The following ARMC3 variants were observed in gnomAD, a reference collection of about 807,000 sequenced individuals.
The protein encoded by ARMC3 is armadillo repeat containing 3.
A neutral mutation model predicts 90.3 loss-of-function variants in ARMC3; 74 were observed. The ratio of observed to expected loss-of-function variants is 0.82; its 90% CI spans 0.68 to 0.99. The LOEUF is 0.99. Ranked by LOEUF, ARMC3 falls within the 50% of genes least tolerant of loss-of-function variation. The pLI is 0.00. For missense variants in ARMC3, 958 were observed against 1,042.8 expected (o/e 0.92, Z 1.12); for synonymous variants, 334 against 361.8 (o/e 0.92, Z 0.87).
chr10:23,003,335 A>G lies in ARMC3; in HGVS notation c.1652A>G (p.Asn551Ser), dbSNP rs960013204. The change falls in exon 13 of 19, where the codon AAT becomes AGT. Residue 551 changes from asparagine (N) to serine (S), a missense_variant. Transcript: ENST00000298032. ...GCTTATAATAAGTTGCTCAATAACA[A>G]TCTTTCCCTGAAATACAGCCAGACT... ...EAAYNKLLNN[N>S]LSLKYSQTGY... The G allele has an allele frequency of 5.0e-6, 8 of 1,613,628 alleles. No individual in the cohort carries two copies. Among genetic ancestry groups the G allele is most frequent in the African/African-American group, 2.7e-5 (2 of 75,050 alleles).
chr10:22,966,109 A>G lies in ARMC3; in HGVS notation c.733-2197A>G, dbSNP rs1225348303. ...TTGTGGCTATTTTGCTGTACTAGGC[A>G]GTGAGCTACACACTTTGTCTCTCTA... On this transcript the variant is annotated intron_variant, in intron 7 of 18. Transcript: ENST00000298032. Among the ~76,000 whole-genome samples the G allele has an allele frequency of 2.0e-5, 3 of 152,320 alleles. No homozygotes were observed. The East Asian group carries it at 5.8e-4, about 29-fold the overall frequency.
rs1237183556 is a variant in ARMC3, at chr10:23,002,000, G to C, written c.1507G>C (p.Ala503Pro). The change falls in exon 12 of 19, where the codon GCA (alanine) becomes CCA (proline). Residue 503 changes from alanine to proline, a missense_variant. By Grantham distance (27) the Ala-to-Pro change is conservative (BLOSUM62 -1). Transcript: ENST00000298032. Reference protein sequence around the residue: ...NDEVRKHASWAVMVCAGDELT... With the variant: ...NDEVRKHASWPVMVCAGDELT... Reference sequence around the variant, plus strand: ...TGAAGTGAGGAAGCACGCCAGTTGGGCAGTGATGGTCTGTGCTGGTGACGA... The same window carrying C: ...TGAAGTGAGGAAGCACGCCAGTTGGCCAGTGATGGTCTGTGCTGGTGACGA... The C allele has an allele frequency of 2.5e-6, 4 of 1,613,922 alleles. No homozygotes were observed. In the South Asian group the frequency reaches 4.4e-5, roughly 18 times the overall value.
intron 8 of ARMC3, among the ~76,000 whole-genome samples, chr10:22,979,619 C>CAGGGAAATCTTA (rs1836097558): frequency 6.6e-6 from 1 of 152,064 alleles, no homozygotes; most frequent in African/African-American, 2.4e-5. Flanking sequence ...TTAGAGCCAT[C>CAGGGAAATCTTA]AGGGAAATCT....
intron 2 of ARMC3, among the ~76,000 whole-genome samples, chr10:22,932,422 T>C (rs980737018): frequency 2.6e-5 from 4 of 152,222 alleles, no homozygotes; most frequent in Non-Finnish European, 5.9e-5. Flanking sequence ...CTATAGCTAT[T>C]AGATATGTAT....
Position 23,030,530 on chromosome 10 carries a change from G to T in ARMC3, c.2046-66G>T. The T allele has an allele frequency of 3.2e-6, 5 of 1,539,470 alleles. No homozygotes were observed. In the South Asian group the frequency reaches 4.9e-5, roughly 15 times the overall value. On this transcript the variant is annotated intron_variant, in intron 16 of 18. Coordinates refer to ENST00000298032, the MANE Select transcript of ARMC3 (RefSeq NM_173081.5). ...TTTCTGTGATGCTCTTTTCAGAAAT[G>T]CAAGAGCAATTGTTTGTTTGTTTAG...
intron 6 of ARMC3, chr10:22,960,152 TACAC>T (rs111468674): frequency 2.1e-4 from 42 of 196,224 alleles, no homozygotes; most frequent in Non-Finnish European, 3.0e-4. Flanking sequence ...TACACACACA[TACAC>T]ACACACACAC....
intron 8 of ARMC3, among the ~76,000 whole-genome samples, chr10:22,971,449 T>G (rs1477009546): frequency 6.7e-6 from 1 of 150,094 alleles, no homozygotes; most frequent in Non-Finnish European, 1.5e-5. Context: ...TAGTTTTTTT[T>G]TTTTTTTTTT....
intron 3 of ARMC3, among the ~76,000 whole-genome samples, chr10:22,946,955 T>A (rs986694729): frequency 9.9e-5 from 15 of 151,826 alleles, no homozygotes; most frequent in African/African-American, 3.4e-4. Flanking sequence ...AGCCCAGGAG[T>A]TTGAGACCAG....
intron 8 of ARMC3, among the ~76,000 whole-genome samples, chr10:22,980,495 G>T (rs1200827993): frequency 1.3e-5 from 2 of 151,686 alleles, no homozygotes; most frequent in African/African-American, 4.8e-5. Context: ...AACTTCTTTA[G>T]AATTAGCTAG....
intron 10 of ARMC3, among the ~76,000 whole-genome samples, chr10:22,982,747 G>GT (rs1221441599): frequency 6.6e-6 from 1 of 152,110 alleles, no homozygotes; most frequent in African/African-American, 2.4e-5. Flanking sequence ...TGGTATGTTA[G>GT]TTAGCTTTCA....
chr10:22,949,712 T>C (rs533356172), intron 3 of ARMC3, among the ~76,000 whole-genome samples: 1 of 152,274 alleles, frequency 6.6e-6, no homozygotes, highest in East Asian at 1.9e-4. Flanking sequence ...GGCCAAACTT[T>C]CCCTAAATCT....
chr10:23,031,885 T>C (rs1254121110), intron 17 of ARMC3, among the ~76,000 whole-genome samples: 1 of 152,128 alleles, frequency 6.6e-6, no homozygotes, highest in African/African-American at 2.4e-5. Context: ...ACTCTTTCTC[T>C]CTCTTTTTTC....
intron 17 of ARMC3, chr10:23,031,026 T>G: frequency 2.2e-6 from 1 of 453,378 alleles, no homozygotes; most frequent in Non-Finnish European, 3.9e-6. Flanking sequence ...AAAATGCCTG[T>G]CATTTTCTTC....
intron 16 of ARMC3, among the ~76,000 whole-genome samples, chr10:23,026,307 T>C (rs1242581984): frequency 1.3e-5 from 2 of 152,066 alleles, no homozygotes; most frequent in African/African-American, 4.8e-5. Context: ...CAGATCAGTA[T>C]TCCTCATGAA....
At chr10:22,983,127 T>C (rs1185499152) in intron 10 of ARMC3, among the ~76,000 whole-genome samples, 1 of 152,036 alleles carries the variant, frequency 6.6e-6, no homozygotes, top group African/African-American at 2.4e-5. Context: ...GGTCACATGG[T>C]GCAAAAAAAA....
chr10:22,972,111 G>T (rs1197780199), intron 8 of ARMC3, among the ~76,000 whole-genome samples: 1 of 152,118 alleles, frequency 6.6e-6, no homozygotes, highest in Non-Finnish European at 1.5e-5. Context: ...GATATTATTT[G>T]AAAACAGTTT....
chr10:23,027,939 G>A (rs1480248538), intron 16 of ARMC3, among the ~76,000 whole-genome samples: 1 of 152,068 alleles, frequency 6.6e-6, no homozygotes, highest in Non-Finnish European at 1.5e-5. Context: ...TCAGGAGTTG[G>A]AGACAAGCTT....
At chr10:22,988,673 C>T (rs779686893) in intron 10 of ARMC3, among the ~76,000 whole-genome samples, 14 of 152,256 alleles carry the variant, frequency 9.2e-5, no homozygotes, top group Non-Finnish European at 1.8e-4. Flanking sequence ...AAAATACAAA[C>T]CACAAGTTCC....
intron 7 of ARMC3, among the ~76,000 whole-genome samples, chr10:22,964,340 A>G (rs1835355949): frequency 6.6e-6 from 1 of 152,070 alleles, no homozygotes. Context: ...GTTTTCAATT[A>G]TCATATGATT....
Sources: gnomAD v4.1 joint callset for allele counts (sites outside exome capture counted in the v4.1 genomes callset) on GRCh38, gnomAD v4.1.1 for gene constraint, MANE v1.5 for transcripts, NCBI Gene and HGNC (gene_info 2026-07-23, HGNC 2026-07-21) for gene names.